EPB41L5: variants seen among roughly 807,000 people sequenced by gnomAD.
The protein encoded by EPB41L5 is erythrocyte membrane protein band 4.1 like 5, also known as band 4.1-like protein 5.
EPB41L5 carries 55 observed loss-of-function variants against 106.6 expected under a neutral mutation model. That is an observed-to-expected ratio of 0.52 (90% CI 0.42 to 0.65). The LOEUF (loss-of-function observed/expected upper bound fraction) is 0.65, where lower values mean the gene tolerates loss of function less well. Ranked by LOEUF, EPB41L5 falls within the 30% of genes least tolerant of loss-of-function variation. The pLI, the probability that EPB41L5 is intolerant of heterozygous loss-of-function variation, is 0.00. For missense variants in EPB41L5, 871 were observed against 882.1 expected, an observed-to-expected ratio of 0.99 and a Z score of 0.16; for synonymous variants, 297 against 306.7, an observed-to-expected ratio of 0.97 and a Z score of 0.33.
chr2:120,106,957 A>G, intron 16 of EPB41L5: 1 of 896,222 alleles, frequency 1.1e-6, no homozygotes. Context: ...CACCTAGTAT[A>G]CAAACACTAA....
In EPB41L5 at chr2:120,093,239, C is replaced by A. The variant is rs1228484636; in HGVS notation, c.1151-10C>A. ...AAACTAATGAGGTGTTATCTTTTTT[C>A]TTCTGTTAGCATGTGCTACAAAACC... On this transcript the variant is annotated splice_polypyrimidine_tract_variant and intron_variant, in intron 13 of 24. Transcript: ENST00000263713. 1.2e-6 allele frequency: 2 copies of A among 1,612,352 alleles called. No individual in the cohort carries two copies. Among genetic ancestry groups the A allele is most frequent in the South Asian group, 1.1e-5 (1 of 91,040 alleles).
At chr2:120,138,454 GA>G (rs1431021032) in intron 18 of EPB41L5, among the ~76,000 whole-genome samples, 1 of 151,528 alleles carries the variant, frequency 6.6e-6, no homozygotes, top group Non-Finnish European at 1.5e-5. Context: ...TAAAGAAAAA[GA>G]AAAACAATTA....
At chr2:120,080,990 T>C (rs1046848446) in intron 10 of EPB41L5, among the ~76,000 whole-genome samples, 1 of 152,194 alleles carries the variant, frequency 6.6e-6, no homozygotes, top group Admixed American at 6.5e-5. Flanking sequence ...TTTGAGTTCT[T>C]TGTAGATTCT....
chr2:120,046,894 C>T (rs947516866), intron 3 of EPB41L5, among the ~76,000 whole-genome samples: 2 of 152,070 alleles, frequency 1.3e-5, no homozygotes, highest in Non-Finnish European at 2.9e-5. Flanking sequence ...GCCAGTTTTC[C>T]CAGCACCATT....
At chr2:120,023,557 C>T (rs929260976) in intron 2 of EPB41L5, among the ~76,000 whole-genome samples, 2 of 152,102 alleles carry the variant, frequency 1.3e-5, no homozygotes, top group Admixed American at 6.6e-5. Flanking sequence ...TGTTTTGGTA[C>T]CAGTACCATG....
chr2:120,170,371 A>G (rs184384951), intron 24 of EPB41L5, among the ~76,000 whole-genome samples: 7 of 152,382 alleles, frequency 4.6e-5, no homozygotes, highest in African/African-American at 1.7e-4. Context: ...CACAGGCTAC[A>G]GTCAAATATT....
chr2:120,025,671 A>G (rs1240294541), intron 2 of EPB41L5, among the ~76,000 whole-genome samples: 2 of 152,214 alleles, frequency 1.3e-5, no homozygotes, highest in Non-Finnish European at 2.9e-5. Context: ...TCCCATGTTC[A>G]TGAATTTGAA....
intron 3 of EPB41L5, among the ~76,000 whole-genome samples, chr2:120,053,687 A>G (rs1447465569): frequency 1.3e-5 from 2 of 152,190 alleles, no homozygotes; most frequent in African/African-American, 2.4e-5. Flanking sequence ...GCTGAATAAT[A>G]TTCTATTGTA....
At chr2:120,099,168 A>G (rs1201966236) in intron 14 of EPB41L5, among the ~76,000 whole-genome samples, 1 of 152,028 alleles carries the variant, frequency 6.6e-6, no homozygotes, top group Non-Finnish European at 1.5e-5. Flanking sequence ...GAATTTTTTT[A>G]TATTTTTGAA....
chr2:120,063,884 G>A (rs1387257949), intron 3 of EPB41L5, among the ~76,000 whole-genome samples: 1 of 152,140 alleles, frequency 6.6e-6, no homozygotes, highest in Non-Finnish European at 1.5e-5. Context: ...GGAGGTTGCA[G>A]TGAGGCGAGA....
At position 120,105,715 on chromosome 2, in the gene EPB41L5, G is replaced by A. The variant is rs1249428336; in HGVS notation, c.1337+4901G>A. ...CTCCCACCTCTTTAAGCCCATCATC[G>A]TTTAGCAAGCTTAAAAATGGCCACT... is the stretch of plus-strand genomic sequence containing the variant. On this transcript the variant is annotated intron_variant, in intron 16 of 24. Coordinates refer to ENST00000263713, the MANE Select transcript of EPB41L5 (RefSeq NM_020909.4). 1.2e-5 allele frequency: 12 copies of A among 985,148 alleles called. No individual in the cohort carries two copies. In the East Asian group the frequency reaches 3.4e-4, roughly 28 times the overall value. 61.0% of individuals were successfully genotyped at this position (985,148 alleles called of 1,614,324 possible).
rs141594064 is a variant in EPB41L5 at position 120,067,024 on chromosome 2, G to A, written c.286-6154G>A. ...TTCTGTTAATGGAAGGATGCAGACC[G>A]GAGCTGTTCCTATTCGGCCATCTTG... On this transcript the variant is annotated intron_variant, in intron 3 of 24. Coordinates refer to ENST00000263713, the MANE Select transcript of EPB41L5 (RefSeq NM_020909.4). Among the ~76,000 whole-genome samples the A allele has an allele frequency of 8.1e-4, 124 of 152,242 alleles. 2 individuals are homozygous for A. In the East Asian group the frequency reaches 0.019, roughly 23 times the overall value.
intron 19 of EPB41L5, 52 bp downstream of exon 19, chr2:120,143,183 TAG>T (rs1558903458): frequency 1.3e-6 from 2 of 1,482,054 alleles, no homozygotes; most frequent in Non-Finnish European, 1.8e-6. Context: ...GCATGGGATG[TAG>T]AGAGTTGCCT....
chr2:120,058,520 G>C (rs1280204084), intron 3 of EPB41L5, among the ~76,000 whole-genome samples: 1 of 152,182 alleles, frequency 6.6e-6, no homozygotes, highest in Non-Finnish European at 1.5e-5. Context: ...AATATAGATA[G>C]CGTGATGATA....
chr2:120,090,959 T>A (rs1247621870), intron 12 of EPB41L5, among the ~76,000 whole-genome samples: 1 of 152,206 alleles, frequency 6.6e-6, no homozygotes, highest in Non-Finnish European at 1.5e-5. Flanking sequence ...TTTGGTTTAC[T>A]GCAGAGTGGA....
intron 16 of EPB41L5, among the ~76,000 whole-genome samples, chr2:120,103,532 A>G (rs966045667): frequency 2.0e-5 from 3 of 152,206 alleles, no homozygotes; most frequent in Non-Finnish European, 4.4e-5. Context: ...TGGCCTCTGA[A>G]GGTAGATTTT....
intron 3 of EPB41L5, among the ~76,000 whole-genome samples, chr2:120,045,506 A>G (rs549218649): frequency 1.3e-5 from 2 of 152,194 alleles, no homozygotes; most frequent in South Asian, 2.1e-4. Context: ...AAGCAAGCAC[A>G]CTTCACAACT....
At chr2:120,058,634 A>G (rs1680823702) in intron 3 of EPB41L5, among the ~76,000 whole-genome samples, 2 of 152,248 alleles carry the variant, frequency 1.3e-5, no homozygotes, top group South Asian at 4.1e-4. Context: ...AAGACAGTAT[A>G]TGGCAACTAC....
chr2:120,172,250 A>G (rs1447123715), intron 24 of EPB41L5, among the ~76,000 whole-genome samples: 4 of 152,334 alleles, frequency 2.6e-5, no homozygotes, highest in African/African-American at 9.6e-5. Flanking sequence ...AAAGGAATCA[A>G]GCGTTCTCAG....
Sources: allele counts gnomAD v4.1 joint callset (sites outside exome capture counted in the v4.1 genomes callset), GRCh38; gene constraint gnomAD v4.1.1; transcripts MANE v1.5; gene names NCBI Gene and HGNC (gene_info 2026-07-23, HGNC 2026-07-21).